The following SYPL1 variants were observed in gnomAD, a reference collection of about 807,000 sequenced individuals.
SYPL1 encodes synaptophysin-like protein 1.
Under a neutral mutation model 23.7 loss-of-function variants are expected in SYPL1, and 6 were observed. That is an observed-to-expected ratio of 0.25 (90% CI 0.14 to 0.50). The LOEUF (loss-of-function observed/expected upper bound fraction) is 0.50. SYPL1 is among the 20% of genes least tolerant of loss of function. The probability of loss-of-function intolerance (pLI) is 0.98; values close to 1 mark genes in which losing one functional copy is unlikely to be tolerated. For synonymous variants in SYPL1, 102 were observed against 104.5 expected, an observed-to-expected ratio of 0.98 and a Z score of 0.15; for missense variants, 253 against 288.9, an observed-to-expected ratio of 0.88 and a Z score of 0.90.
At chr7:106,106,155 T>G (rs1410956997) in intron 1 of SYPL1, among the ~76,000 whole-genome samples, 2 of 152,144 alleles carry the variant, frequency 1.3e-5, no homozygotes, top group Non-Finnish European at 1.5e-5. Flanking sequence ...GTATATAATA[T>G]ACCTTAAGAT....
intron 1 of SYPL1, among the ~76,000 whole-genome samples, 170 bp from the exon 2 acceptor site, chr7:106,099,452 C>T (rs537557898): frequency 6.6e-6 from 1 of 152,166 alleles, no homozygotes; most frequent in South Asian, 2.1e-4. Flanking sequence ...AGTACACTGG[C>T]ACGATCAGGG....
Position 106,091,091 on chromosome 7 carries a change from T to TGAG in SYPL1, c.*711_*713dup, listed in dbSNP as rs1839705884. On this transcript the variant is annotated 3_prime_UTR_variant, in exon 5 of 5. Transcript: ENST00000455385. The surrounding 1 kb of genome is among the most constrained non-coding windows in gnomAD (Gnocchi z 5.0). Reference sequence around the variant, plus strand: ...GCCCATACATATAAAGATATCTAGTTGAGCCACGTTCTACTTACATAGCAA... The same window carrying TGAG: ...GCCCATACATATAAAGATATCTAGTTGAGGAGCCACGTTCTACTTACATAGCAA... The TGAG allele has an allele frequency of 6.6e-6, 1 of 152,198 alleles. No individual in the cohort carries two copies. Among genetic ancestry groups the TGAG allele is most frequent in the Admixed American group, 6.5e-5 (1 of 15,284 alleles). The allele number at this position is 152,198 out of a possible 1,614,324, so 9.4% of individuals were successfully genotyped here.
intron 1 of SYPL1, among the ~76,000 whole-genome samples, chr7:106,107,703 C>A (rs191268440): frequency 1.9e-4 from 27 of 145,230 alleles, no homozygotes; most frequent in Non-Finnish European, 2.8e-4. Context: ...GATCATGCCA[C>A]TGCACTCCAG....
chr7:106,092,604 C>T (rs763784949), intron 4 of SYPL1: 4 of 337,638 alleles, frequency 1.2e-5, no homozygotes, highest in African/African-American at 2.5e-5. Flanking sequence ...ACCCAGGAGG[C>T]GGAGGTTGCA....
In SYPL1 at chr7:106,091,993, T is replaced by C. The variant is rs1179690758; in HGVS notation, c.592-54A>G. 10 of 1,525,260 alleles carry C rather than the reference T, an allele frequency of 6.6e-6. No homozygotes were observed. In the African/African-American group the frequency reaches 8.4e-5, roughly 13 times the overall value. The allele number at this position is 1,525,260 out of a possible 1,614,324, so 94.5% of individuals were successfully genotyped here. ...TCAAATACCTACTTATAAAAATTCA[T>C]GCCCTACTTAAAAATCTCACTTTTT... On this transcript the variant is annotated intron_variant, in intron 4 of 4. Coordinates refer to ENST00000455385, the MANE Select transcript of SYPL1 (RefSeq NM_182715.4). This position sits in a 1 kb window ranked among gnomAD's most constrained non-coding sequence, Gnocchi z 5.0.
chr7:106,097,928 T>A lies in SYPL1; in HGVS notation c.195-31A>T. On this transcript the variant is annotated intron_variant, in intron 2 of 4. Coordinates refer to ENST00000455385, the MANE Select transcript of SYPL1 (RefSeq NM_182715.4). This position sits in a 1 kb window ranked among gnomAD's most constrained non-coding sequence, Gnocchi z 4.6. ...AAAATAAATGTATGAATTATTGGAC[T>A]TTCCCAACAGAGACAGAAACATTTA... 6.4e-7 allele frequency: 1 copy of A among 1,562,400 alleles called. No homozygotes were observed. The highest frequency in any genetic ancestry group is 8.8e-7 in the Non-Finnish European group (1 of 1,141,824).
chr7:106,112,166 G>A lies in SYPL1; in HGVS notation c.43C>T (p.Leu15Phe). 6.5e-7 allele frequency: 1 copy of A among 1,544,868 alleles called. No individual in the cohort carries two copies. Among genetic ancestry groups the A allele is most frequent in the Non-Finnish European group, 8.8e-7 (1 of 1,138,186 alleles). Residue 15 changes from leucine (L) to phenylalanine (F), a missense_variant, in exon 1 of 5, where the codon CTC (leucine) becomes TTC (phenylalanine). Leu to Phe is a conservative substitution (Grantham distance 22, BLOSUM62 0). Coordinates refer to ENST00000455385, the MANE Select transcript of SYPL1 (RefSeq NM_182715.4). ...QINLNPLKEP[L>F]GFIKVLEWIA... ...CACTCGAGGACCTTGATGAAGCCGA[G>A]TGGCTCCTTGAGCGGGTTGAGGTTG...
intron 1 of SYPL1, among the ~76,000 whole-genome samples, chr7:106,101,986 C>G (rs1563340943): frequency 6.6e-6 from 1 of 152,130 alleles, no homozygotes; most frequent in Non-Finnish European, 1.5e-5. Context: ...CCTGATTTCC[C>G]TTCCCTTGAG....
chr7:106,108,566 C>A (rs1010026512), intron 1 of SYPL1, among the ~76,000 whole-genome samples: 1 of 152,122 alleles, frequency 6.6e-6, no homozygotes, highest in African/African-American at 2.4e-5. Context: ...AGTGAACATA[C>A]ACGTTATCAC....
At chr7:106,108,429 C>G (rs1246661781) in intron 1 of SYPL1, among the ~76,000 whole-genome samples, 1 of 152,068 alleles carries the variant, frequency 6.6e-6, no homozygotes, top group Non-Finnish European at 1.5e-5. Flanking sequence ...ATAGGCTCAA[C>G]TTGATTGTCC....
At chr7:106,093,710 T>C (rs1236517847) in intron 3 of SYPL1, among the ~76,000 whole-genome samples, 1 of 127,076 alleles carries the variant, frequency 7.9e-6, no homozygotes, top group African/African-American at 2.5e-5. Context: ...CACTTATCCT[T>C]CTTCTGCAAA....
rs1334457561 is a variant in SYPL1, at chr7:106,095,373, G to A, written c.403-2236C>T. Among the ~76,000 whole-genome samples the A allele has an allele frequency of 6.7e-6, 1 of 150,248 alleles. No homozygotes were observed. The highest frequency in any genetic ancestry group is 6.6e-5 in the Admixed American group (1 of 15,132). ...CCTTTTTTTTTTTTTCCCCTGAGAT[G>A]GAGTCTTGCTCTGTCACCTAGGCTG... On this transcript the variant is annotated intron_variant, in intron 3 of 4. Coordinates refer to ENST00000455385, the MANE Select transcript of SYPL1 (RefSeq NM_182715.4). This position sits in a 1 kb window ranked among gnomAD's most constrained non-coding sequence, Gnocchi z 4.3.
At chr7:106,105,296 A>G (rs903406014) in intron 1 of SYPL1, among the ~76,000 whole-genome samples, 1 of 151,582 alleles carries the variant, frequency 6.6e-6, no homozygotes, top group Non-Finnish European at 1.5e-5. Context: ...TCTGATTTAT[A>G]TTTTCTGGCC....
rs1839733777 is a variant in SYPL1, at chr7:106,091,656, G to C, written c.*149C>G. On this transcript the variant is annotated 3_prime_UTR_variant, in exon 5 of 5. Transcript: ENST00000455385. This position sits in a 1 kb window ranked among gnomAD's most constrained non-coding sequence, Gnocchi z 5.0. ...ATCTTAACTTTCTAGGAAAGGCACA[G>C]GCTTTATGTAAAAAAGCAGCAAAGT... 3 of 753,292 alleles carry C rather than the reference G, an allele frequency of 4.0e-6. No individual in the cohort carries two copies. Among genetic ancestry groups the C allele is most frequent in the Non-Finnish European group, 5.8e-6 (3 of 518,644 alleles). The allele number at this position is 753,292 out of a possible 1,614,324, so 46.7% of individuals were successfully genotyped here. A position where few individuals can be genotyped will look rare whatever the true frequency, so the allele number is the denominator to read the frequency against.
At chr7:106,112,070 G>A (rs1790186190) in intron 1 of SYPL1, 70 bp downstream of exon 1, 2 of 1,283,554 alleles carry the variant, frequency 1.6e-6, no homozygotes, top group Non-Finnish European at 2.0e-6. Flanking sequence ...CGGCTCGCAG[G>A]TCCCCGTCTC....
At chr7:106,103,644 C>T (rs76528690) in intron 1 of SYPL1, among the ~76,000 whole-genome samples, 1,578 of 152,180 alleles carry the variant, frequency 0.01, 9 homozygotes, top group Non-Finnish European at 0.015. Context: ...TTTATATTGA[C>T]GACTTGTTCA....
At chr7:106,105,569 T>C (rs1270204455) in intron 1 of SYPL1, among the ~76,000 whole-genome samples, 2 of 149,670 alleles carry the variant, frequency 1.3e-5, no homozygotes, top group Admixed American at 1.4e-4. Flanking sequence ...TCAGGGTGAA[T>C]AGTACAGCCT....
In SYPL1 at chr7:106,104,751, A is replaced by G. The variant is rs963950942; in HGVS notation, c.70-5469T>C. 1.3e-5 allele frequency among the ~76,000 whole-genome samples: 2 copies of G among 152,244 alleles called. No individual in the cohort carries two copies. The highest frequency in any genetic ancestry group is 2.9e-5 in the Non-Finnish European group (2 of 68,036). ...TTATAGAAAGAAGGGACAAAAGCACATATTTTATATTAAACAAAGTACAAA... is the reference window on the plus strand; with the variant it reads ...TTATAGAAAGAAGGGACAAAAGCACGTATTTTATATTAAACAAAGTACAAA... On this transcript the variant is annotated intron_variant, in intron 1 of 4. Coordinates refer to ENST00000455385, the MANE Select transcript of SYPL1 (RefSeq NM_182715.4). This position sits in a 1 kb window ranked among gnomAD's most constrained non-coding sequence, Gnocchi z 4.1.
Position 106,110,457 on chromosome 7 carries a change from CATTTTTGT to C in SYPL1, c.69+1675_69+1682del, listed in dbSNP as rs988095933. On this transcript the variant is annotated intron_variant, in intron 1 of 4. Coordinates refer to ENST00000455385, the MANE Select transcript of SYPL1 (RefSeq NM_182715.4). Reference sequence around the variant, plus strand: ...ACCTTTATCACAGTTTATTACATGGCATTTTTGTATTTTGTATGTCCTTCATCCTTAAT... The same window carrying C: ...ACCTTTATCACAGTTTATTACATGGCATTTTGTATGTCCTTCATCCTTAAT... Among the ~76,000 whole-genome samples, 5 of 152,128 alleles carry C rather than the reference CATTTTTGT, an allele frequency of 3.3e-5. 1 individual carries two copies. The highest frequency in any genetic ancestry group is 1.3e-4 in the Admixed American group (2 of 15,260).
Sources: allele counts gnomAD v4.1 joint callset (sites outside exome capture counted in the v4.1 genomes callset), GRCh38; gene constraint gnomAD v4.1.1; non-coding constraint Gnocchi (gnomAD v3.1); transcripts MANE v1.5; gene names NCBI Gene and HGNC (gene_info 2026-07-23, HGNC 2026-07-21).